The following FBXO7 variants were observed in gnomAD, a reference collection of about 807,000 sequenced individuals.
FBXO7 encodes F-box protein 7.
In FBXO7, 31 loss-of-function variants were observed where a neutral mutation model predicts 50.2. The observed-to-expected ratio is 0.62, with a 90% CI of 0.46 to 0.83. FBXO7 has a LOEUF of 0.83. FBXO7 is among the 40% of genes least tolerant of loss of function. The pLI, the probability that FBXO7 is intolerant of heterozygous loss-of-function variation, is 0.00. For missense variants in FBXO7, 667 were observed against 646.6 expected (o/e 1.03, Z -0.34); for synonymous variants, 256 against 253.1 (o/e 1.01, Z -0.11).
rs2145983663 is a variant in FBXO7, at chr22:32,475,111, A to AC, written c.111dup (p.Trp38LeufsTer6). 1.3e-6 allele frequency: 2 copies of AC among 1,543,670 alleles called. No homozygotes were observed. The highest frequency in any genetic ancestry group is 4.9e-5 in the East Asian group (2 of 40,422). On this transcript the variant is annotated frameshift_variant, in exon 1 of 9. Coordinates refer to ENST00000266087, the MANE Select transcript of FBXO7 (RefSeq NM_012179.4). LOFTEE classifies it high-confidence loss of function. ...GCACCTGAGGCAGTCCCTGCTGTGC[A>AC]CCTGGGGGTACAGGTACGCTGGGGC...
At position 32,479,222 on chromosome 22, in the gene FBXO7, G is replaced by A. The variant is rs772662803; in HGVS notation, c.364G>A (p.Asp122Asn). The part of the protein sequence containing the change: ...QTSMQDEQPS[D>N]SFQGQAAQSG... ...TAGCATGCAGGATGAACAACCAAGT[G>A]ATTCATTCCAAGGACAGGCAGCCCA... The change falls in exon 2 of 9, where the codon GAT becomes AAT. Residue 122 changes from aspartate (D) to asparagine (N), a missense_variant. By Grantham distance (23) the Asp-to-Asn change is conservative. Transcript: ENST00000266087. 16 of 1,613,942 alleles carry A rather than the reference G, an allele frequency of 9.9e-6. No homozygotes were observed. Among genetic ancestry groups the A allele is most frequent in the Middle Eastern group, 1.6e-4 (1 of 6,082 alleles).
chr22:32,478,731 GAAAACA>G (rs1333030137), intron 1 of FBXO7, among the ~76,000 whole-genome samples: 1 of 151,844 alleles, frequency 6.6e-6, no homozygotes, highest in African/African-American at 2.4e-5. Flanking sequence ...AAAAACAAAC[GAAAACA>G]AAAACAAAAA....
At chr22:32,490,913 T>C in intron 5 of FBXO7, 173 bp from the exon 6 acceptor site, 1 of 580,488 alleles carries the variant, frequency 1.7e-6, no homozygotes, top group Non-Finnish European at 3.1e-6. Context: ...TATCTAAGAT[T>C]CAGTTTCATC....
Position 32,478,547 on chromosome 22 carries a change from C to G in FBXO7, c.123-434C>G, listed in dbSNP as rs80249759. On this transcript the variant is annotated intron_variant, in intron 1 of 8. Transcript: ENST00000266087. The stretch of plus-strand genomic sequence containing the variant: ...TAGATTAGGCATTCATTGATAAATA[C>G]TTTTGATAATTTTCTCAAAACTATA... Among the ~76,000 whole-genome samples, 330 of 152,250 alleles carry G rather than the reference C, an allele frequency of 2.2e-3. 2 individuals are homozygous for G. Among genetic ancestry groups the G allele is most frequent in the African/African-American group, 7.2e-3 (300 of 41,546 alleles).
intron 1 of FBXO7, chr22:32,478,237 A>G (rs2057441194): frequency 1.3e-5 from 2 of 152,356 alleles, no homozygotes; most frequent in African/African-American, 4.8e-5. Flanking sequence ...AGGATTCCAA[A>G]TAGAAGCTAT....
chr22:32,493,163 G>C lies in FBXO7; in HGVS notation c.1026G>C (p.Arg342=), dbSNP rs758247538. 19 of 1,613,992 alleles carry C rather than the reference G, an allele frequency of 1.2e-5. No homozygotes were observed. The South Asian group carries it at 2.1e-4, about 18-fold the overall frequency. ...TCCTCCCATTGGAACTGAAACTACG[G>C]ATCTTCCGACTTCTGGATGTTCGTT... is the stretch of plus-strand genomic sequence containing the variant. ...LVVLPLELKL[R]IFRLLDVRSV... Residue 342 remains arginine, a synonymous_variant, in exon 7 of 9, where the codon CGG becomes CGC. Coordinates refer to ENST00000266087, the MANE Select transcript of FBXO7 (RefSeq NM_012179.4).
At chr22:32,490,641 T>A (rs2057528448) in intron 5 of FBXO7, 1 of 163,674 alleles carries the variant, frequency 6.1e-6, no homozygotes, top group African/African-American at 2.4e-5. Context: ...GGAAAGAACT[T>A]CTGATGTGAA....
intron 1 of FBXO7, 91 bp downstream of exon 1, chr22:32,475,215 G>A: frequency 6.6e-7 from 1 of 1,510,508 alleles, no homozygotes; most frequent in Non-Finnish European, 8.8e-7. Context: ...TGGGCTGCAG[G>A]CGCGGGCGTG....
Position 32,498,491 on chromosome 22 carries a change from C to T in FBXO7, c.1530C>T (p.Ser510=), listed in dbSNP as rs1057521329. The T allele has an allele frequency of 1.9e-5, 31 of 1,613,968 alleles. No individual in the cohort carries two copies. Among genetic ancestry groups the T allele is most frequent in the Non-Finnish European group, 2.5e-5 (30 of 1,180,046 alleles). The part of the protein sequence containing the change: ...GPNDRFPFRP[S]RGRPTDGRLS... ...ATGACAGATTTCCCTTTAGACCCAG[C>T]AGGGGTCGGCCAACTGATGGCCGGC... Residue 510 remains serine, a synonymous_variant, in exon 9 of 9, where the codon AGC becomes AGT. Coordinates refer to ENST00000266087, the MANE Select transcript of FBXO7 (RefSeq NM_012179.4).
intron 8 of FBXO7, 112 bp downstream of exon 8, chr22:32,495,642 T>C: frequency 2.1e-6 from 1 of 476,114 alleles, no homozygotes; most frequent in South Asian, 6.4e-5. Flanking sequence ...TCTGTTTTAA[T>C]TTATTGCTAA....
At position 32,485,160 on chromosome 22, in the gene FBXO7, C is replaced by A; in HGVS notation, c.738C>A (p.Ser246Arg). Residue 246 changes from serine to arginine, a missense_variant, in exon 4 of 9, where the codon AGC becomes AGA. Coordinates refer to ENST00000266087, the MANE Select transcript of FBXO7 (RefSeq NM_012179.4). The stretch of plus-strand genomic sequence containing the variant: ...ACATGCATCCTCTCTGCGAGGGCAG[C>A]TCCGCTACTCTCACCTGTGTGCCTT... ...LQYMHPLCEG[S>R]SATLTCVPLG... 6.2e-7 allele frequency: 1 copy of A among 1,614,190 alleles called. No individual in the cohort carries two copies. The highest frequency in any genetic ancestry group is 8.5e-7 in the Non-Finnish European group (1 of 1,180,024).
chr22:32,493,308 A>C (rs2057550882), intron 7 of FBXO7, 27 bp downstream of exon 7: 1 of 1,598,034 alleles, frequency 6.3e-7, no homozygotes, highest in Non-Finnish European at 8.6e-7. Context: ...CATATTCACA[A>C]GAAAGGGCTC....
chr22:32,484,149 A>G, intron 3 of FBXO7, 25 bp downstream of exon 3: 1 of 1,580,184 alleles, frequency 6.3e-7, no homozygotes. Flanking sequence ...CAAAACACAG[A>G]CATCTTATGA....
rs141068487 is a variant in FBXO7 at position 32,493,207 on chromosome 22, C to T, written c.1070C>T (p.Ala357Val). 1.1e-4 allele frequency: 176 copies of T among 1,614,094 alleles called. 1 individual carries two copies. The highest frequency in any genetic ancestry group is 2.3e-4 in the Admixed American group (14 of 60,020). ...GTTCGTTCCGTCTTGTCTTTGTCTG[C>T]GGTTTGTCGTGACCTCTTTACTGCT... ...LDVRSVLSLSAVCRDLFTASN... is the reference protein window; with the variant it reads ...LDVRSVLSLSVVCRDLFTASN... Residue 357 changes from alanine to valine, a missense_variant, in exon 7 of 9, where the codon GCG becomes GTG. By Grantham distance (64) the Ala-to-Val change is moderately conservative. Coordinates refer to ENST00000266087, the MANE Select transcript of FBXO7 (RefSeq NM_012179.4).
intron 5 of FBXO7, chr22:32,490,397 T>C (rs1471433334): frequency 1.3e-5 from 2 of 152,238 alleles, no homozygotes; most frequent in African/African-American, 4.8e-5. Flanking sequence ...TATTAAAATA[T>C]AGGTTCTGAT....
intron 3 of FBXO7, 67 bp downstream of exon 3, chr22:32,484,191 A>C: frequency 7.1e-7 from 1 of 1,399,770 alleles, no homozygotes. Flanking sequence ...TCCTGCTCTC[A>C]AGTTGCCCGT....
chr22:32,490,453 C>G (rs1425335884), intron 5 of FBXO7: 1 of 152,356 alleles, frequency 6.6e-6, no homozygotes, highest in Admixed American at 6.5e-5. Context: ...CTAAACAGTT[C>G]CAGGTATTGT....
rs1231741147 is a variant in FBXO7 at position 32,493,250 on chromosome 22, G to A, written c.1113G>A (p.Leu371=). 1 of 1,614,134 alleles carries A rather than the reference G, an allele frequency of 6.2e-7. No homozygotes were observed. The highest frequency in any genetic ancestry group is 1.1e-5 in the South Asian group (1 of 91,086). Residue 371 remains leucine, a synonymous_variant, in exon 7 of 9, where the codon CTG becomes CTA. Coordinates refer to ENST00000266087, the MANE Select transcript of FBXO7 (RefSeq NM_012179.4). ...TTACTGCTTCAAATGACCCACTCCT[G>A]TGGAGGTTTTTATATCTGCGTGATT... is the stretch of plus-strand genomic sequence containing the variant. ...DLFTASNDPL[L]WRFLYLRDFR...
At chr22:32,486,284 C>T (rs1229035103) in intron 4 of FBXO7, among the ~76,000 whole-genome samples, 2 of 151,850 alleles carry the variant, frequency 1.3e-5, no homozygotes, top group African/African-American at 4.8e-5. Context: ...TGACTCATGC[C>T]ATCTTGATCT....
Sources: allele counts gnomAD v4.1 joint callset (sites outside exome capture counted in the v4.1 genomes callset), GRCh38; gene constraint gnomAD v4.1.1; transcripts MANE v1.5; gene names NCBI Gene and HGNC (gene_info 2026-07-23, HGNC 2026-07-21).